Variants in XKR9 observed in about 807,000 individuals in gnomAD.
XKR9 encodes the protein XK-related protein 9.
Under a neutral mutation model 32.0 loss-of-function variants are expected in XKR9, and 32 were observed. That is an observed-to-expected ratio of 1.00 (90% confidence interval 0.76 to 1.34). XKR9 has a LOEUF of 1.34. Ranked by LOEUF, XKR9 falls within the 40% of genes most tolerant of loss-of-function variation. The pLI is 0.00. For missense variants in XKR9, 546 were observed against 429.7 expected, an observed-to-expected ratio of 1.27 and a Z score of -2.39; for synonymous variants, 168 against 143.4, an observed-to-expected ratio of 1.17 and a Z score of -1.22.
chr8:70,848,234 A>G, the XKR9 span, among the ~76,000 whole-genome samples: 1 of 152,098 alleles, frequency 6.6e-6, no homozygotes, highest in Non-Finnish European at 1.5e-5. Context: ...AATTCAACAG[A>G]TACCACAAAA....
intron 4 of XKR9, among the ~76,000 whole-genome samples, chr8:70,718,717 A>G (rs1052927319): frequency 6.6e-6 from 1 of 152,176 alleles, no homozygotes; most frequent in Non-Finnish European, 1.5e-5. Context: ...TATCCAGTCT[A>G]TCATTGATGA....
chr8:70,883,385 G>C, the XKR9 span, among the ~76,000 whole-genome samples: 2 of 151,970 alleles, frequency 1.3e-5, no homozygotes, highest in Non-Finnish European at 2.9e-5. Flanking sequence ...TTGGTCAATA[G>C]ACTCTTAGGT....
chr8:70,973,855 T>C, the XKR9 span, among the ~76,000 whole-genome samples: 1 of 152,192 alleles, frequency 6.6e-6, no homozygotes, highest in South Asian at 2.1e-4. Context: ...TTTTTAAAAT[T>C]TTTTGAGGCT....
At chr8:71,027,889 G>A in the XKR9 span, among the ~76,000 whole-genome samples, 1 of 151,540 alleles carries the variant, frequency 6.6e-6, no homozygotes, top group East Asian at 1.9e-4. Flanking sequence ...CTCCCACCTC[G>A]GCCTTCAGTA....
the XKR9 span, among the ~76,000 whole-genome samples, chr8:71,053,036 C>T: frequency 6.6e-6 from 1 of 152,214 alleles, no homozygotes; most frequent in Non-Finnish European, 1.5e-5. Context: ...TTATGTTTAA[C>T]TTTAATCACA....
chr8:70,810,145 T>C, the XKR9 span, among the ~76,000 whole-genome samples: 1 of 152,140 alleles, frequency 6.6e-6, no homozygotes, highest in Non-Finnish European at 1.5e-5. Flanking sequence ...TCAACATTGT[T>C]AAAGAAAATA....
At chr8:70,741,125 G>A (rs1186511647) in intron 2 of XKR9, among the ~76,000 whole-genome samples, 8 of 152,386 alleles carry the variant, frequency 5.2e-5, no homozygotes, top group Non-Finnish European at 1.0e-4. Flanking sequence ...GTTCCACCCA[G>A]TTCGAGCATC....
the XKR9 span, among the ~76,000 whole-genome samples, chr8:71,055,285 T>C: frequency 6.6e-6 from 1 of 152,210 alleles, no homozygotes; most frequent in Non-Finnish European, 1.5e-5. Context: ...ATTTGAAGTA[T>C]AGGATCATTG....
At chr8:70,870,668 A>G in the XKR9 span, among the ~76,000 whole-genome samples, 1 of 152,236 alleles carries the variant, frequency 6.6e-6, no homozygotes, top group African/African-American at 2.4e-5. Context: ...AAGTGTTTGC[A>G]TCATCAGTTT....
chr8:70,977,683 A>G, the XKR9 span, among the ~76,000 whole-genome samples: 4 of 152,082 alleles, frequency 2.6e-5, no homozygotes, highest in Admixed American at 2.6e-4. Context: ...AATAAGTGTG[A>G]TGTGGTGCTA....
chr8:70,716,413 C>T (rs1485835112), intron 4 of XKR9, among the ~76,000 whole-genome samples: 1 of 146,690 alleles, frequency 6.8e-6, no homozygotes, highest in Non-Finnish European at 1.5e-5. Flanking sequence ...TTAATTGACT[C>T]ACATTCTGCA....
chr8:70,791,671 A>T (rs996840115), downstream of XKR9, among the ~76,000 whole-genome samples: 14 of 152,040 alleles, frequency 9.2e-5, no homozygotes, highest in African/African-American at 3.4e-4. Context: ...GCAAGAAAGC[A>T]CTCACCAGAT....
intron 2 of XKR9, among the ~76,000 whole-genome samples, chr8:70,773,453 G>A (rs2130236910): frequency 6.6e-6 from 1 of 152,248 alleles, no homozygotes; most frequent in Non-Finnish European, 1.5e-5. Context: ...CTTTTCTCTT[G>A]GCTAAGCTTT....
the XKR9 span, among the ~76,000 whole-genome samples, chr8:70,862,909 C>G: frequency 1.3e-5 from 2 of 152,100 alleles, no homozygotes; most frequent in Non-Finnish European, 2.9e-5. Flanking sequence ...GGCAATGGCA[C>G]TTGAGCTGAG....
At chr8:70,903,773 T>A in the XKR9 span, among the ~76,000 whole-genome samples, 1 of 152,230 alleles carries the variant, frequency 6.6e-6, no homozygotes, top group African/African-American at 2.4e-5. Flanking sequence ...CTTGTGGGCA[T>A]TTAGTGCTAT....
the XKR9 span, among the ~76,000 whole-genome samples, chr8:70,935,044 C>T: frequency 6.7e-6 from 1 of 150,370 alleles, no homozygotes; most frequent in Admixed American, 6.7e-5. Flanking sequence ...TACATTTTCT[C>T]CTCTCAAGGT....
chr8:70,714,023 T>A (rs1211152510), intron 4 of XKR9, among the ~76,000 whole-genome samples: 1 of 152,120 alleles, frequency 6.6e-6, no homozygotes, highest in Non-Finnish European at 1.5e-5. Flanking sequence ...GACAGCTGTT[T>A]CCTTGCTGCA....
chr8:70,741,388 C>A (rs1806979460), intron 2 of XKR9, among the ~76,000 whole-genome samples: 1 of 152,180 alleles, frequency 6.6e-6, no homozygotes, highest in South Asian at 2.1e-4. Flanking sequence ...CTTGGCCTTC[C>A]CAGGCTCTGA....
At position 70,707,115 on chromosome 8, in the gene XKR9, A is replaced by G. The variant is rs765313910; in HGVS notation, c.455A>G (p.Tyr152Cys). The change falls in exon 4 of 5, where the codon TAC (tyrosine) becomes TGC (cysteine). Residue 152 changes from tyrosine to cysteine, a missense_variant. Tyr to Cys is a radical substitution (Grantham distance 194). Transcript: ENST00000408926. The part of the protein sequence containing the change: ...EGCPQLILQL[Y>C]ILLEHGQANF... ...TGCCCACAACTTATTCTTCAACTCT[A>G]CATTCTTCTGGAGCATGGACAAGCG... is the stretch of plus-strand genomic sequence containing the variant. 41 of 1,613,258 alleles carry G rather than the reference A, an allele frequency of 2.5e-5. 1 individual carries two copies. Among genetic ancestry groups the G allele is most frequent in the Admixed American group, 6.7e-5 (4 of 59,984 alleles).
Sources: allele counts gnomAD v4.1 joint callset (sites outside exome capture counted in the v4.1 genomes callset), GRCh38; gene constraint gnomAD v4.1.1; transcripts MANE v1.5; gene names NCBI Gene and HGNC (gene_info 2026-07-23, HGNC 2026-07-21).